Variants in TASP1 observed in about 807,000 individuals in gnomAD.
The protein encoded by TASP1 is threonine aspartase 1.
A neutral mutation model predicts 56.6 loss-of-function variants in TASP1; 16 were observed. That is an observed-to-expected ratio of 0.28 (90% CI 0.19 to 0.43). The LOEUF (loss-of-function observed/expected upper bound fraction) is 0.43, where lower values mean the gene tolerates loss of function less well. TASP1 is among the 20% of genes least tolerant of loss of function. TASP1 has a pLI of 1.00. For missense variants in TASP1, 393 were observed against 511.6 expected, an observed-to-expected ratio of 0.77 and a Z score of 2.24; for synonymous variants, 179 against 184.2, an observed-to-expected ratio of 0.97 and a Z score of 0.23.
the TASP1 span, among the ~76,000 whole-genome samples, chr20:13,238,411 A>C: frequency 3.3e-5 from 5 of 152,328 alleles, no homozygotes; most frequent in South Asian, 1.0e-3. Flanking sequence ...ATTACTCATT[A>C]ACTTATTTGG....
the TASP1 span, among the ~76,000 whole-genome samples, chr20:13,245,563 G>A: frequency 3.3e-5 from 5 of 152,072 alleles, no homozygotes; most frequent in African/African-American, 7.2e-5. Context: ...TTCAGAAGCT[G>A]CCTGCCATAC....
the TASP1 span, among the ~76,000 whole-genome samples, chr20:13,226,924 G>A: frequency 3.9e-5 from 6 of 152,120 alleles, no homozygotes; most frequent in East Asian, 5.8e-4. Context: ...AAGAGCATGC[G>A]TACAGGGAGG....
chr20:13,235,911 A>G, the TASP1 span, among the ~76,000 whole-genome samples: 1 of 151,000 alleles, frequency 6.6e-6, no homozygotes, highest in Admixed American at 6.6e-5. Context: ...CTCTGTGCAT[A>G]GTATATTGTA....
At chr20:13,485,578 G>A (rs1330882287) in intron 10 of TASP1, among the ~76,000 whole-genome samples, 1 of 152,148 alleles carries the variant, frequency 6.6e-6, no homozygotes, top group Non-Finnish European at 1.5e-5. Flanking sequence ...CTTTGTGAAT[G>A]AATACCTACA....
chr20:13,124,219 C>T, the TASP1 span, among the ~76,000 whole-genome samples: 8 of 152,108 alleles, frequency 5.3e-5, no homozygotes, highest in Non-Finnish European at 1.0e-4. Flanking sequence ...GCCTTATGGT[C>T]CCTTTCTATC....
the TASP1 span, among the ~76,000 whole-genome samples, chr20:13,214,043 T>G: frequency 2.0e-5 from 3 of 152,176 alleles, no homozygotes; most frequent in Non-Finnish European, 4.4e-5. Context: ...GATTCTCACC[T>G]GAATCCTGGA....
intron 4 of TASP1, among the ~76,000 whole-genome samples, chr20:13,593,104 A>C (rs2047594449): frequency 6.6e-6 from 1 of 152,134 alleles, no homozygotes; most frequent in African/African-American, 2.4e-5. Flanking sequence ...GATGTTAAAA[A>C]CTCTCAGAAA....
chr20:13,331,234 C>T, the TASP1 span, among the ~76,000 whole-genome samples: 1 of 152,138 alleles, frequency 6.6e-6, no homozygotes, highest in Non-Finnish European at 1.5e-5. Context: ...TCTCAATCCT[C>T]TGATTCCACT....
chr20:13,433,837 G>C (rs1251976906), intron 12 of TASP1, among the ~76,000 whole-genome samples: 1 of 110,300 alleles, frequency 9.1e-6, no homozygotes, highest in African/African-American at 3.8e-5. Flanking sequence ...TATAGTGTTT[G>C]TATTAAAAAA....
At chr20:13,335,695 AAAG>A in the TASP1 span, among the ~76,000 whole-genome samples, 1 of 152,132 alleles carries the variant, frequency 6.6e-6, no homozygotes, top group Non-Finnish European at 1.5e-5. Context: ...GAGGAAAAAA[AAAG>A]AGCTCTTGAA....
chr20:13,111,917 G>A, the TASP1 span, among the ~76,000 whole-genome samples: 1 of 152,272 alleles, frequency 6.6e-6, no homozygotes, highest in Non-Finnish European at 1.5e-5. Flanking sequence ...AACAACTCCA[G>A]CAGCAGGGCT....
chr20:13,211,941 T>A, the TASP1 span, among the ~76,000 whole-genome samples: 1 of 152,158 alleles, frequency 6.6e-6, no homozygotes, highest in Admixed American at 6.5e-5. Flanking sequence ...AAATGGTTAC[T>A]ATCCAGTGCT....
chr20:13,455,276 C>T (rs903207132), intron 11 of TASP1, among the ~76,000 whole-genome samples: 1 of 152,056 alleles, frequency 6.6e-6, no homozygotes, highest in Admixed American at 6.6e-5. Context: ...AATATCTCTG[C>T]CAGAATTAAT....
chr20:13,375,262 T>C, the TASP1 span, among the ~76,000 whole-genome samples: 1 of 147,628 alleles, frequency 6.8e-6, no homozygotes, highest in African/African-American at 2.5e-5. Flanking sequence ...GGCTCTGGTA[T>C]GTGATGTTCC....
intron 13 of TASP1, among the ~76,000 whole-genome samples, chr20:13,412,152 C>T (rs1448408165): frequency 1.3e-5 from 2 of 152,156 alleles, no homozygotes; most frequent in East Asian, 3.8e-4. Context: ...TGATGAAGGC[C>T]TCACAGAGAA....
At chr20:13,587,133 T>G (rs1467878253) in intron 5 of TASP1, 117 bp downstream of exon 5, 2 of 1,297,234 alleles carry the variant, frequency 1.5e-6, no homozygotes, top group East Asian at 5.1e-5. Context: ...AAAAGAACAT[T>G]TGTTTTAAAC....
At chr20:13,618,118 A>G (rs2048585088) in intron 4 of TASP1, among the ~76,000 whole-genome samples, 1 of 152,020 alleles carries the variant, frequency 6.6e-6, no homozygotes, top group Non-Finnish European at 1.5e-5. Context: ...CCTTAAAGAA[A>G]TGAAGAGCTA....
At chr20:13,579,068 A>G (rs1045477512) in intron 6 of TASP1, among the ~76,000 whole-genome samples, 30 of 152,292 alleles carry the variant, frequency 2.0e-4, no homozygotes, top group African/African-American at 6.3e-4. Context: ...CAACCAAACA[A>G]CTACATCTTT....
intron 7 of TASP1, among the ~76,000 whole-genome samples, chr20:13,559,783 C>A (rs1337174341): frequency 6.6e-6 from 1 of 152,076 alleles, no homozygotes; most frequent in Non-Finnish European, 1.5e-5. Flanking sequence ...CCCAGAAAAA[C>A]AAACTGGCCT....
Sources: gnomAD v4.1 joint callset for allele counts (sites outside exome capture counted in the v4.1 genomes callset) on GRCh38, gnomAD v4.1.1 for gene constraint, MANE v1.5 for transcripts, NCBI Gene and HGNC (gene_info 2026-07-23, HGNC 2026-07-21) for gene names.